SPOCK1: variants seen among roughly 807,000 people sequenced by gnomAD.
SPOCK1 encodes the protein testican-1.
Under a neutral mutation model 55.3 loss-of-function variants are expected in SPOCK1, and 23 were observed. That is an observed-to-expected ratio of 0.42 (90% CI 0.30 to 0.59). The LOEUF (loss-of-function observed/expected upper bound fraction) is 0.59. SPOCK1 is among the 20% of genes least tolerant of loss of function. The probability of loss-of-function intolerance (pLI) is 0.22; values close to 1 mark genes in which losing one functional copy is unlikely to be tolerated. For synonymous variants in SPOCK1, 226 were observed against 221.0 expected (o/e 1.02, Z -0.20); for missense variants, 499 against 552.5 (o/e 0.90, Z 0.97).
chr5:137,177,616 A>G lies in SPOCK1; in HGVS notation c.233-36922T>C, dbSNP rs553364808. Among the ~76,000 whole-genome samples the G allele has an allele frequency of 3.6e-3, 549 of 152,178 alleles. 2 individuals carry two copies. Among genetic ancestry groups the G allele is most frequent in the Non-Finnish European group, 6.7e-3 (455 of 68,000 alleles). On this transcript the variant is annotated intron_variant, in intron 3 of 10. Coordinates refer to ENST00000394945, the MANE Select transcript of SPOCK1 (RefSeq NM_004598.4). ...TTGGAAAGGAGGAAAAAGAAAATGG[A>G]ATTTTCTAAGACAACAAAGTTTAAA...
intron 3 of SPOCK1, among the ~76,000 whole-genome samples, chr5:137,243,473 T>A (rs1037771566): frequency 6.6e-6 from 1 of 152,208 alleles, no homozygotes. Context: ...AGTATTTAAA[T>A]GGGAACTGCT....
chr5:137,356,828 TATATATATATAG>T (rs1287054170), intron 2 of SPOCK1, among the ~76,000 whole-genome samples: 8 of 14,916 alleles, frequency 5.4e-4, no homozygotes, highest in African/African-American at 1.5e-3. Flanking sequence ...TATATATATA[TATATATATATAG>T]AGAGAGAGAG....
chr5:137,347,577 C>A (rs1252447197), intron 2 of SPOCK1, among the ~76,000 whole-genome samples: 1 of 152,054 alleles, frequency 6.6e-6, no homozygotes, highest in Non-Finnish European at 1.5e-5. Flanking sequence ...AAAAATTAGC[C>A]GGGTGTGGTG....
At chr5:137,029,512 G>A (rs1451304019) in intron 6 of SPOCK1, among the ~76,000 whole-genome samples, 2 of 152,254 alleles carry the variant, frequency 1.3e-5, no homozygotes, top group Non-Finnish European at 2.9e-5. Flanking sequence ...ACCTAGAGAA[G>A]TTAAGTAAGG....
intron 9 of SPOCK1, among the ~76,000 whole-genome samples, chr5:136,983,514 G>GA (rs1196905818): frequency 1.3e-5 from 2 of 151,688 alleles, no homozygotes. Flanking sequence ...AGAAAAGAAG[G>GA]AAAATGTAGA....
intron 3 of SPOCK1, among the ~76,000 whole-genome samples, chr5:137,265,134 G>T (rs868712885): frequency 6.6e-6 from 1 of 152,124 alleles, no homozygotes; most frequent in Non-Finnish European, 1.5e-5. Flanking sequence ...GTTTAAAGAC[G>T]GTGATTTTGT....
chr5:137,189,239 A>AAAC (rs1755130080), intron 3 of SPOCK1, among the ~76,000 whole-genome samples: 1 of 152,262 alleles, frequency 6.6e-6, no homozygotes, highest in African/African-American at 2.4e-5. Flanking sequence ...AATGCAGGCA[A>AAAC]AACAACTTTC....
chr5:137,002,448 G>C (rs547560775), intron 6 of SPOCK1, among the ~76,000 whole-genome samples: 28 of 147,914 alleles, frequency 1.9e-4, no homozygotes, highest in Non-Finnish European at 3.7e-4. Flanking sequence ...TAAAGCTTCT[G>C]ATAAAATCCA....
intron 2 of SPOCK1, among the ~76,000 whole-genome samples, chr5:137,300,704 T>C (rs1315710068): frequency 1.3e-5 from 2 of 151,912 alleles, no homozygotes; most frequent in East Asian, 3.9e-4. Flanking sequence ...ATTTTAGTGC[T>C]CCCCTTCTGT....
At chr5:137,360,698 C>T (rs1561515091) in intron 2 of SPOCK1, among the ~76,000 whole-genome samples, 2 of 152,072 alleles carry the variant, frequency 1.3e-5, no homozygotes, top group Non-Finnish European at 2.9e-5. Context: ...AATTTCTTTT[C>T]CTTCCATCTC....
intron 6 of SPOCK1, among the ~76,000 whole-genome samples, chr5:137,022,702 G>T (rs1751599471): frequency 6.6e-6 from 1 of 152,104 alleles, no homozygotes; most frequent in Non-Finnish European, 1.5e-5. Context: ...ATGTCTCAAG[G>T]TTTTTTAAGC....
rs75658790 is a variant in SPOCK1, at chr5:136,995,001, A to C, written c.590-2401T>G. Among the ~76,000 whole-genome samples, 488 of 152,210 alleles carry C rather than the reference A, an allele frequency of 3.2e-3. 5 individuals carry two copies. The highest frequency in any genetic ancestry group is 0.011 in the African/African-American group (469 of 41,510). On this transcript the variant is annotated intron_variant, in intron 6 of 10. Coordinates refer to ENST00000394945, the MANE Select transcript of SPOCK1 (RefSeq NM_004598.4). The stretch of plus-strand genomic sequence containing the variant: ...GCCTGGGCAAAAAGAGCAGAAACTC[A>C]GTCTCAAAAATCAAAATTTAAAAAA...
intron 2 of SPOCK1, among the ~76,000 whole-genome samples, chr5:137,300,048 T>C (rs1651143018): frequency 6.6e-6 from 1 of 152,194 alleles, no homozygotes; most frequent in South Asian, 2.1e-4. Context: ...TAGACCACTT[T>C]ATATTGTCCT....
At chr5:137,188,636 C>CT (rs1184568730) in intron 3 of SPOCK1, among the ~76,000 whole-genome samples, 1 of 149,322 alleles carries the variant, frequency 6.7e-6, no homozygotes, top group Non-Finnish European at 1.5e-5. Flanking sequence ...TCCCTATTCT[C>CT]TAAGATAAAA....
intron 3 of SPOCK1, among the ~76,000 whole-genome samples, chr5:137,180,361 G>A (rs544484052): frequency 2.6e-5 from 4 of 151,954 alleles, no homozygotes; most frequent in Non-Finnish European, 5.9e-5. Context: ...GGTCATGACT[G>A]GGGTGGGGGT....
intron 4 of SPOCK1, among the ~76,000 whole-genome samples, chr5:137,137,694 A>G (rs538517770): frequency 4.6e-5 from 7 of 152,314 alleles, no homozygotes; most frequent in Non-Finnish European, 8.8e-5. Flanking sequence ...GGCAGCAGAA[A>G]TGACACTGTC....
intron 3 of SPOCK1, among the ~76,000 whole-genome samples, chr5:137,255,453 C>T (rs1347451988): frequency 6.6e-6 from 1 of 152,162 alleles, no homozygotes; most frequent in African/African-American, 2.4e-5. Flanking sequence ...TTTACTTATA[C>T]TCAAATGTTT....
At chr5:137,064,293 T>C (rs766387893) in intron 6 of SPOCK1, among the ~76,000 whole-genome samples, 2 of 152,172 alleles carry the variant, frequency 1.3e-5, no homozygotes, top group African/African-American at 4.8e-5. Context: ...GGAGTGACTT[T>C]ATGTTTCACC....
rs115754599 is a variant in SPOCK1 at position 136,980,063 on chromosome 5, C to A, written c.992-594G>T. On this transcript the variant is annotated intron_variant, in intron 9 of 10. Transcript: ENST00000394945. ...GTTCCAAGCTATTCCTTGTCACTGT[C>A]TTCCAGCCTCTAAGAAAGAGGTAAT... 3.2e-3 allele frequency among the ~76,000 whole-genome samples: 481 copies of A among 152,172 alleles called. 5 individuals are homozygous for A. Among genetic ancestry groups the A allele is most frequent in the African/African-American group, 0.011 (461 of 41,528 alleles).
Sources: allele counts gnomAD v4.1 joint callset (sites outside exome capture counted in the v4.1 genomes callset), GRCh38; gene constraint gnomAD v4.1.1; transcripts MANE v1.5; gene names NCBI Gene and HGNC (gene_info 2026-07-23, HGNC 2026-07-21).